Variants in DLG3 observed in about 807,000 individuals in gnomAD.
DLG3 encodes disks large homolog 3.
A neutral mutation model predicts 64.1 loss-of-function variants in DLG3; 1 was observed. The observed-to-expected ratio is 0.02, with a 90% CI of 0.01 to 0.07. The LOEUF (loss-of-function observed/expected upper bound fraction) is 0.07. DLG3 is among the 10% of genes least tolerant of loss of function. The pLI, the probability that DLG3 is intolerant of heterozygous loss-of-function variation, is 1.00. For missense variants in DLG3, 429 were observed against 669.5 expected (o/e 0.64, Z 3.96); for synonymous variants, 245 against 259.8 (o/e 0.94, Z 0.55).
chrX:70,472,075 C>T (rs766273935), intron 9 of DLG3, among the ~76,000 whole-genome samples: 3 of 112,244 alleles, frequency 2.7e-5, no homozygotes, highest in African/African-American at 9.7e-5. Flanking sequence ...ACTTCCCCTT[C>T]CCCTGTTTGC....
chrX:70,452,736 C>T lies in DLG3; in HGVS notation c.1145+710C>T, dbSNP rs769261082. 7 of 1,191,503 alleles carry T rather than the reference C, an allele frequency of 5.9e-6. No homozygotes were observed. The highest frequency in any genetic ancestry group is 3.0e-5 in the East Asian group (1 of 32,860). The stretch of plus-strand genomic sequence containing the variant: ...GTGGGCCTGGCCGCTCCGCTCCCTG[C>T]GGCCCGGAGGGGATGCCAGGTAGGA... On this transcript the variant is annotated intron_variant, in intron 7 of 18. Coordinates refer to ENST00000374360, the MANE Select transcript of DLG3 (RefSeq NM_021120.4).
intron 7 of DLG3, chrX:70,452,636 C>A: frequency 8.4e-7 from 1 of 1,190,894 alleles, no homozygotes. Context: ...AGAGGGCCCG[C>A]AAGTTCTCGG....
rs774419870 is a variant in DLG3, at chrX:70,482,662, G to GTT, written c.1520+3420_1520+3421dup. ...AGGTTTGGGAAAATACATGTGTGGTGTTTTTTTTTTTTTTTTTTTTTTTGA... is the reference window on the plus strand; with the variant it reads ...AGGTTTGGGAAAATACATGTGTGGTGTTTTTTTTTTTTTTTTTTTTTTTTTGA... On this transcript the variant is annotated intron_variant, in intron 10 of 18. Transcript: ENST00000374360. Among the ~76,000 whole-genome samples, 183 of 65,971 alleles carry GTT rather than the reference G, an allele frequency of 2.8e-3. 1 individual carries two copies. The highest frequency in any genetic ancestry group is 4.1e-3 in the Non-Finnish European group (149 of 36,471). 57.3% of individuals were successfully genotyped at this position (65,971 alleles called of 115,157 possible). A position where few individuals can be genotyped will look rare whatever the true frequency, so the allele number is the denominator to read the frequency against.
chrX:70,474,282 C>A (rs1197651223), intron 9 of DLG3, among the ~76,000 whole-genome samples: 1 of 111,727 alleles, frequency 9.0e-6, no homozygotes, highest in African/African-American at 3.3e-5. Context: ...GTTTGTAAAG[C>A]CTTGGGGCAG....
chrX:70,453,609 C>T (rs1406606633), intron 7 of DLG3, 28 bp from the exon 8 acceptor site: 1 of 1,204,914 alleles, frequency 8.3e-7, no homozygotes. Flanking sequence ...TCTACCTAGT[C>T]CTGACTCCTC....
At chrX:70,448,056 T>C (rs1373718237) in intron 1 of DLG3, among the ~76,000 whole-genome samples, 2 of 111,873 alleles carry the variant, frequency 1.8e-5, no homozygotes, top group African/African-American at 6.5e-5. Context: ...CCCTTTCTGC[T>C]GGGAAAAACA....
intron 9 of DLG3, among the ~76,000 whole-genome samples, chrX:70,462,854 A>T (rs1186651656): frequency 9.0e-6 from 1 of 111,454 alleles, no homozygotes; most frequent in Non-Finnish European, 1.9e-5. Flanking sequence ...GCCCTGTTCT[A>T]TATACTTAGA....
At chrX:70,448,668 A>G (rs1393589352) in intron 1 of DLG3, 1 of 1,133,786 alleles carries the variant, frequency 8.8e-7, no homozygotes, top group Non-Finnish European at 1.2e-6. Flanking sequence ...GTCTCAGACA[A>G]TTGATCTGGG....
In DLG3 at chrX:70,445,540, C is replaced by G. The variant is rs2086557178; in HGVS notation, c.339C>G (p.Asn113Lys). ...PSWWPECTCT[N>K]RDWYEQVNGS... ...GGTGGCCAGAGTGCACCTGTACCAA[C>G]CGGGACTGGTATGAGCAGGTATGGA... The change falls in exon 1 of 19, where the codon AAC becomes AAG. Residue 113 changes from asparagine to lysine, a missense_variant. Asn to Lys is a moderately conservative substitution (Grantham distance 94). Around this residue, in one of 9 missense-constraint regions of DLG3, gnomAD observed 123 missense variants for 113.3 expected, o/e 1.09. Transcript: ENST00000374360. 1 of 1,181,335 alleles carries G rather than the reference C, an allele frequency of 8.5e-7. No individual in the cohort carries two copies. Among genetic ancestry groups the G allele is most frequent in the Non-Finnish European group, 1.1e-6 (1 of 880,580 alleles).
chrX:70,479,037 T>C, intron 9 of DLG3, 113 bp from the exon 10 acceptor site: 1 of 648,226 alleles, frequency 1.5e-6, no homozygotes, highest in Non-Finnish European at 2.5e-6. Context: ...GTGGGCTGGC[T>C]CTGGCTGCTT....
chrX:70,499,645 C>T (rs1156415581), intron 15 of DLG3, among the ~76,000 whole-genome samples: 1 of 111,700 alleles, frequency 9.0e-6, no homozygotes, highest in Non-Finnish European at 1.9e-5. Flanking sequence ...GAAACCCCAC[C>T]TTTCTAGTCC....
At chrX:70,497,489 A>C (rs2087476530) in intron 13 of DLG3, among the ~76,000 whole-genome samples, 2 of 112,621 alleles carry the variant, frequency 1.8e-5, no homozygotes, top group Admixed American at 1.9e-4. Flanking sequence ...TAAACTGCCA[A>C]AGAGTAAATC....
chrX:70,492,330 G>A, intron 11 of DLG3, 47 bp downstream of exon 11: 1 of 1,197,357 alleles, frequency 8.4e-7, no homozygotes, highest in Non-Finnish European at 1.1e-6. Context: ...CCTCTTGCTG[G>A]TATTTCTTTC....
Position 70,454,052 on chromosome X carries a change from T to G in DLG3, c.1303-162T>G, listed in dbSNP as rs2274310. Among the ~76,000 whole-genome samples the G allele has an allele frequency of 0.058, 6,535 of 111,948 alleles. 202 individuals carry two copies. Among genetic ancestry groups the G allele is most frequent in the East Asian group, 0.24 (845 of 3,503 alleles). On this transcript the variant is annotated intron_variant, in intron 8 of 18. Transcript: ENST00000374360. ...ATGAAGATAATTGTTACACTAGAGA[T>G]GTCGTATCCTTTAGGCCTTGTTTTA...
At chrX:70,479,348 G>A (rs937050423) in intron 10 of DLG3, 84 bp downstream of exon 10, 1 of 721,771 alleles carries the variant, frequency 1.4e-6, no homozygotes, top group Non-Finnish European at 2.2e-6. Flanking sequence ...TAACTAGTGG[G>A]CTAGGGAGTA....
intron 1 of DLG3, chrX:70,448,677 G>C (rs1393938413): frequency 9.0e-7 from 1 of 1,115,271 alleles, no homozygotes; most frequent in Non-Finnish European, 1.2e-6. Context: ...AATTGATCTG[G>C]GCTAAATGAG....
intron 9 of DLG3, among the ~76,000 whole-genome samples, chrX:70,475,268 AAAT>A (rs889099108): frequency 8.9e-6 from 1 of 112,484 alleles, no homozygotes; most frequent in Non-Finnish European, 1.9e-5. Flanking sequence ...GTATCAATTG[AAAT>A]ATGACTGAAT....
chrX:70,493,302 G>A, intron 12 of DLG3: 2 of 963,222 alleles, frequency 2.1e-6, no homozygotes, highest in Non-Finnish European at 1.5e-6. Context: ...AGTTTTTCTT[G>A]CATGCTTTAA....
chrX:70,465,876 C>T (rs185305494), intron 9 of DLG3, among the ~76,000 whole-genome samples: 1 of 111,770 alleles, frequency 8.9e-6, no homozygotes, highest in African/African-American at 3.2e-5. Context: ...TAACCATTCC[C>T]CTGTTGGTGA....
Sources: gnomAD v4.1 joint callset for allele counts (sites outside exome capture counted in the v4.1 genomes callset) on GRCh38, gnomAD v4.1.1 for gene constraint, gnomAD v4.1.1 regional missense constraint, MANE v1.5 for transcripts, NCBI Gene and HGNC (gene_info 2026-07-23, HGNC 2026-07-21) for gene names.